Variants in PSD3 observed in about 807,000 individuals in gnomAD.
PSD3 encodes PH and SEC7 domain-containing protein 3.
Under a neutral mutation model 105.5 loss-of-function variants are expected in PSD3, and 49 were observed. The observed-to-expected ratio is 0.46, with a 90% CI of 0.37 to 0.59. PSD3 has a LOEUF of 0.59. Ranked by LOEUF, PSD3 falls within the 20% of genes least tolerant of loss-of-function variation. The pLI is 0.00. For synonymous variants in PSD3, 557 were observed against 457.8 expected (o/e 1.22, Z -2.77); for missense variants, 1,561 against 1,263.8 (o/e 1.24, Z -3.57).
At position 18,948,625 on chromosome 8, in the gene PSD3, T is replaced by C. The variant is rs182852166; in HGVS notation, c.22-12483A>G. ...CTGAATCCTTATAAACTAGGAAACC[T>C]CAAAAAAGCCTTGAAACCTTGGAAA... On this transcript the variant is annotated intron_variant, in intron 1 of 15. Coordinates refer to ENST00000327040, the MANE Select transcript of PSD3 (RefSeq NM_015310.4). Among the ~76,000 whole-genome samples, 9 of 152,220 alleles carry C rather than the reference T, an allele frequency of 5.9e-5. No homozygotes were observed. In the East Asian group the frequency reaches 1.5e-3, roughly 26 times the overall value.
chr8:18,559,867 C>T (rs1801291329), intron 14 of PSD3, among the ~76,000 whole-genome samples: 1 of 152,106 alleles, frequency 6.6e-6, no homozygotes, highest in African/African-American at 2.4e-5. Context: ...TTCACTGTTA[C>T]CAAGCTATGG....
chr8:18,599,583 A>T (rs547140745), intron 12 of PSD3, among the ~76,000 whole-genome samples: 34 of 152,316 alleles, frequency 2.2e-4, no homozygotes, highest in African/African-American at 7.7e-4. Context: ...TGGACGCCTG[A>T]AATTTTGAAT....
At chr8:18,593,678 C>T (rs1395656498) in intron 12 of PSD3, among the ~76,000 whole-genome samples, 5 of 151,902 alleles carry the variant, frequency 3.3e-5, no homozygotes, top group Admixed American at 6.6e-5. Flanking sequence ...TGCTCACGTA[C>T]GTTTATTGCA....
At chr8:19,065,002 A>G in intron 1 of PSD3, among the ~76,000 whole-genome samples, 1 of 152,324 alleles carries the variant, frequency 6.6e-6, no homozygotes, top group Non-Finnish European at 1.5e-5. Context: ...TAATTAAACT[A>G]AACTTTAAAA....
At chr8:18,839,767 A>G (rs533792199) in intron 4 of PSD3, among the ~76,000 whole-genome samples, 2 of 152,318 alleles carry the variant, frequency 1.3e-5, no homozygotes, top group African/African-American at 4.8e-5. Flanking sequence ...CTCATCACGC[A>G]AAGCAACACT....
chr8:18,710,294 G>GA (rs911343063), intron 9 of PSD3, among the ~76,000 whole-genome samples: 19 of 151,808 alleles, frequency 1.3e-4, no homozygotes, highest in African/African-American at 3.9e-4. Flanking sequence ...AGATTAGAGG[G>GA]AAAAAAAATG....
chr8:18,610,337 A>G (rs1273591713), intron 11 of PSD3, among the ~76,000 whole-genome samples: 3 of 152,182 alleles, frequency 2.0e-5, no homozygotes, highest in African/African-American at 7.2e-5. Context: ...GGCCAATCCC[A>G]GTGGTTGTAC....
intron 2 of PSD3, among the ~76,000 whole-genome samples, chr8:18,895,186 A>G (rs1819065199): frequency 6.6e-6 from 1 of 152,244 alleles, no homozygotes; most frequent in Non-Finnish European, 1.5e-5. Context: ...TCCCCTGGAA[A>G]GTTGGGCATA....
intron 12 of PSD3, 66 bp from the exon 13 acceptor site, chr8:18,575,351 A>T: frequency 7.1e-7 from 1 of 1,410,998 alleles, no homozygotes; most frequent in South Asian, 1.7e-5. Context: ...ATTTTTTAAA[A>T]GCAAAAACTA....
rs192485146 is a variant in PSD3, at chr8:18,609,908, C to A, written c.2411-9474G>T. On this transcript the variant is annotated intron_variant, in intron 11 of 15. Coordinates refer to ENST00000327040, the MANE Select transcript of PSD3 (RefSeq NM_015310.4). ...ACTGCTTGAAGCAATCAAGTCCAAG[C>A]TGAGCAAAGGAAAATTTACCACTGG... is the stretch of plus-strand genomic sequence containing the variant. Among the ~76,000 whole-genome samples, 80 of 152,304 alleles carry A rather than the reference C, an allele frequency of 5.3e-4. 1 individual carries two copies. In the Middle Eastern group the frequency reaches 0.01, roughly 20 times the overall value.
At chr8:18,929,914 A>T (rs1430365683) in intron 2 of PSD3, among the ~76,000 whole-genome samples, 3 of 152,216 alleles carry the variant, frequency 2.0e-5, no homozygotes, top group Non-Finnish European at 4.4e-5. Flanking sequence ...AGAGAATGGG[A>T]AAGAACTCTT....
chr8:18,657,147 C>T (rs970629578), intron 9 of PSD3, among the ~76,000 whole-genome samples: 3 of 152,162 alleles, frequency 2.0e-5, no homozygotes, highest in South Asian at 2.1e-4. Context: ...AAGGCAGGTT[C>T]AGAAAGTTGT....
In PSD3 at chr8:18,804,531, T is replaced by C; in HGVS notation, c.1901A>G (p.Gln634Arg). ...FFDFTGMTLD[Q>R]SLRYFFKAFS... ...GGAGGCTTAGTCATACCTGAGTGAC[T>C]GATCCAGCGTCATTCCTGTAAAATC... The change falls in exon 6 of 16, where the codon CAG becomes CGG. Residue 634 changes from glutamine to arginine, a missense_variant. By Grantham distance (43) the Gln-to-Arg change is conservative. Coordinates refer to ENST00000327040, the MANE Select transcript of PSD3 (RefSeq NM_015310.4). 6.2e-7 allele frequency: 1 copy of C among 1,609,954 alleles called. No individual in the cohort carries two copies. The highest frequency in any genetic ancestry group is 1.7e-5 in the Admixed American group (1 of 59,966).
intron 1 of PSD3, among the ~76,000 whole-genome samples, chr8:18,952,975 T>A (rs79132947): frequency 0.1 from 15,535 of 152,148 alleles, 1,006 homozygotes; most frequent in Non-Finnish European, 0.13. Flanking sequence ...CAACTGTGAG[T>A]AAACATCTGC....
chr8:18,727,870 C>T (rs1292304796), intron 9 of PSD3, among the ~76,000 whole-genome samples: 1 of 152,108 alleles, frequency 6.6e-6, no homozygotes, highest in Admixed American at 6.5e-5. Context: ...AGTTGGCCTC[C>T]TCATTGCCCT....
intron 2 of PSD3, among the ~76,000 whole-genome samples, chr8:18,923,015 A>G (rs1055788643): frequency 6.6e-6 from 1 of 152,106 alleles, no homozygotes; most frequent in East Asian, 1.9e-4. Context: ...ATCATTGGCT[A>G]TTGGTGATTT....
intron 15 of PSD3, among the ~76,000 whole-genome samples, chr8:18,541,510 C>T (rs767482531): frequency 2.0e-5 from 3 of 152,126 alleles, no homozygotes; most frequent in Admixed American, 1.3e-4. Flanking sequence ...CACAAAAATG[C>T]TAAGGTCTGA....
intron 9 of PSD3, among the ~76,000 whole-genome samples, chr8:18,740,828 T>G (rs1286901093): frequency 1.3e-5 from 2 of 152,118 alleles, no homozygotes; most frequent in African/African-American, 4.8e-5. Flanking sequence ...AAACCTCAGC[T>G]CTGTGAGGCT....
At position 18,640,450 on chromosome 8, in the gene PSD3, T is replaced by C. The variant is rs117128079; in HGVS notation, c.2217-7644A>G. Among the ~76,000 whole-genome samples the C allele has an allele frequency of 5.2e-3, 791 of 152,232 alleles. 3 individuals carry two copies. Among genetic ancestry groups the C allele is most frequent in the Non-Finnish European group, 8.5e-3 (581 of 67,988 alleles). The stretch of plus-strand genomic sequence containing the variant: ...GGACCAGTGGGAGGTAACTGAATCA[T>C]GGGAGCAGTTTCCCCCAGGCTACTC... On this transcript the variant is annotated intron_variant, in intron 10 of 15. Coordinates refer to ENST00000327040, the MANE Select transcript of PSD3 (RefSeq NM_015310.4).
Sources: allele counts gnomAD v4.1 joint callset (sites outside exome capture counted in the v4.1 genomes callset), GRCh38; gene constraint gnomAD v4.1.1; transcripts MANE v1.5; gene names NCBI Gene and HGNC (gene_info 2026-07-23, HGNC 2026-07-21).